Variants in SDK1 observed in about 807,000 individuals in gnomAD.
SDK1 encodes the protein protein sidekick-1.
SDK1 carries 157 observed loss-of-function variants against 245.5 expected under a neutral mutation model. The observed-to-expected ratio is 0.64, with a 90% CI of 0.56 to 0.73. The LOEUF is 0.73. SDK1 is among the 30% of genes least tolerant of loss of function. The pLI is 0.00. For synonymous variants in SDK1, 1,647 were observed against 1,278.5 expected, an observed-to-expected ratio of 1.29 and a Z score of -6.15; for missense variants, 3,583 against 3,002.3, an observed-to-expected ratio of 1.19 and a Z score of -4.52.
At chr7:3,675,777 C>G (rs1327254220) in intron 4 of SDK1, among the ~76,000 whole-genome samples, 1 of 152,178 alleles carries the variant, frequency 6.6e-6, no homozygotes, top group African/African-American at 2.4e-5. Context: ...GATCCTCCCA[C>G]CTTGGCCTCC....
intron 1 of SDK1, among the ~76,000 whole-genome samples, chr7:3,583,699 G>C (rs925147012): frequency 6.6e-6 from 1 of 152,132 alleles, no homozygotes; most frequent in African/African-American, 2.4e-5. Flanking sequence ...AGGAGTCCCA[G>C]GTGCCCCCTG....
intron 2 of SDK1, among the ~76,000 whole-genome samples, chr7:3,627,262 C>T (rs796625686): frequency 2.6e-5 from 4 of 152,224 alleles, no homozygotes; most frequent in African/African-American, 9.6e-5. Flanking sequence ...ATCCTATTAT[C>T]CTATTAGTGT....
At chr7:4,079,357 TAGAATCG>T in intron 21 of SDK1, 99 bp from the exon 22 acceptor site, 1 of 1,349,248 alleles carries the variant, frequency 7.4e-7, no homozygotes, top group South Asian at 1.3e-5. Context: ...TTTTTTGGTA[TAGAATCG>T]TTTTGAAACT....
rs533920476 is a variant in SDK1 at position 4,079,444 on chromosome 7, C to T, written c.3203-19C>T. The T allele has an allele frequency of 1.1e-4, 178 of 1,613,412 alleles. No individual in the cohort carries two copies. The highest frequency in any genetic ancestry group is 1.4e-4 in the Non-Finnish European group (171 of 1,179,520). On this transcript the variant is annotated intron_variant, in intron 21 of 44. Transcript: ENST00000404826. ...GACGGACTGTAAATCTCTCCCTTTC[C>T]TCCCTGGTTCCTCTCTAGACCTTCC...
intron 32 of SDK1, among the ~76,000 whole-genome samples, chr7:4,173,145 C>T (rs1781959744): frequency 6.6e-6 from 1 of 152,236 alleles, no homozygotes; most frequent in African/African-American, 2.4e-5. Flanking sequence ...GCACATCCGT[C>T]CTCTGACGAG....
At chr7:3,317,072 T>G (rs1779681556) in intron 1 of SDK1, among the ~76,000 whole-genome samples, 1 of 150,394 alleles carries the variant, frequency 6.6e-6, no homozygotes, top group Non-Finnish European at 1.5e-5. Flanking sequence ...TCCCAGCTAC[T>G]TGAGGGGCTG....
Position 4,113,396 on chromosome 7 carries a change from C to G in SDK1, c.3542C>G (p.Thr1181Arg), listed in dbSNP as rs1438033324. 1 of 1,613,924 alleles carries G rather than the reference C, an allele frequency of 6.2e-7. No homozygotes were observed. Among genetic ancestry groups the G allele is most frequent in the Admixed American group, 1.7e-5 (1 of 60,032 alleles). The change falls in exon 24 of 45, where the codon ACG (threonine) becomes AGG (arginine). Residue 1181 changes from threonine (T) to arginine (R), a missense_variant. Thr to Arg is a moderately conservative substitution (Grantham distance 71, BLOSUM62 -1). Coordinates refer to ENST00000404826, the MANE Select transcript of SDK1 (RefSeq NM_152744.4). ...CCCGACGTGGCTCCAACCAGCGTCA[C>G]GGTCCGTACTGCCAGTGAGACCAGC... ...APPDVAPTSV[T>R]VRTASETSLR...
chr7:3,393,885 G>C (rs550908411), intron 1 of SDK1, among the ~76,000 whole-genome samples: 2 of 152,220 alleles, frequency 1.3e-5, no homozygotes, highest in East Asian at 3.9e-4. Flanking sequence ...TTCCCGGATG[G>C]TCTTGATGCT....
chr7:3,785,705 A>T (rs9655325), intron 4 of SDK1, among the ~76,000 whole-genome samples: 6,421 of 151,272 alleles, frequency 0.042, 448 homozygotes, highest in African/African-American at 0.15. Context: ...GCATTTATTT[A>T]AAAAAAAATA....
intron 4 of SDK1, among the ~76,000 whole-genome samples, chr7:3,712,821 G>C (rs1269164937): frequency 1.3e-5 from 2 of 152,206 alleles, no homozygotes; most frequent in Admixed American, 1.3e-4. Context: ...GTCTAAATGT[G>C]GCTAAATAAA....
intron 4 of SDK1, among the ~76,000 whole-genome samples, chr7:3,805,901 C>A (rs2115040634): frequency 6.6e-6 from 1 of 152,242 alleles, no homozygotes; most frequent in East Asian, 1.9e-4. Flanking sequence ...AAGTCACCTC[C>A]TTGTAGCTGG....
At chr7:4,012,305 A>C (rs947377279) in intron 16 of SDK1, 70 bp downstream of exon 16, 1 of 1,412,238 alleles carries the variant, frequency 7.1e-7, no homozygotes, top group African/African-American at 1.5e-5. Flanking sequence ...AGAGGGTTGC[A>C]AACTCTAATG....
intron 1 of SDK1, among the ~76,000 whole-genome samples, chr7:3,446,187 G>A (rs749274629): frequency 6.6e-6 from 1 of 152,010 alleles, no homozygotes; most frequent in Non-Finnish European, 1.5e-5. Flanking sequence ...TCATAAGATT[G>A]GTTATTGTAA....
intron 1 of SDK1, among the ~76,000 whole-genome samples, chr7:3,602,244 A>G (rs1021354355): frequency 1.8e-4 from 28 of 151,512 alleles, no homozygotes; most frequent in African/African-American, 6.3e-4. Flanking sequence ...ATCCCTGAGG[A>G]ATCGCCACAC....
chr7:3,792,490 C>G (rs535919421), intron 4 of SDK1, among the ~76,000 whole-genome samples: 3 of 152,350 alleles, frequency 2.0e-5, no homozygotes, highest in East Asian at 3.9e-4. Flanking sequence ...CAGCAGAAAA[C>G]TAACCTGTGT....
At chr7:3,528,784 G>A (rs1226116742) in intron 1 of SDK1, among the ~76,000 whole-genome samples, 1 of 152,064 alleles carries the variant, frequency 6.6e-6, no homozygotes, top group African/African-American at 2.4e-5. Flanking sequence ...CCTGAGCAAT[G>A]GGGTGAATTG....
At position 4,241,752 on chromosome 7, in the gene SDK1, A is replaced by G. The variant is rs535878453; in HGVS notation, c.6131-41A>G. 2.4e-4 allele frequency: 379 copies of G among 1,612,424 alleles called. 4 individuals carry two copies. The South Asian group carries it at 3.6e-3, about 15-fold the overall frequency. ...GGCTTGGCGTGGCTGCGGTGGCCACACCAGTAACACGTCTGTTCTCACTCT... is the reference window on the plus strand; with the variant it reads ...GGCTTGGCGTGGCTGCGGTGGCCACGCCAGTAACACGTCTGTTCTCACTCT... On this transcript the variant is annotated intron_variant, in intron 42 of 44. Coordinates refer to ENST00000404826, the MANE Select transcript of SDK1 (RefSeq NM_152744.4).
intron 28 of SDK1, among the ~76,000 whole-genome samples, chr7:4,139,635 ATATG>A (rs1214535517): frequency 1.1e-4 from 5 of 47,362 alleles, no homozygotes; most frequent in Non-Finnish European, 2.2e-4. Flanking sequence ...GTATATGTAT[ATATG>A]TGTGTGTATA....
rs201387783 is a variant in SDK1 at position 3,987,158 on chromosome 7, T to G, written c.1995-28T>G. 1.9e-6 allele frequency: 3 copies of G among 1,613,112 alleles called. No homozygotes were observed. In the African/African-American group the frequency reaches 4.0e-5, roughly 22 times the overall value. On this transcript the variant is annotated intron_variant, in intron 13 of 44. Coordinates refer to ENST00000404826, the MANE Select transcript of SDK1 (RefSeq NM_152744.4). ...TGGATTCTGACATGTGTTTTCCTCT[T>G]TTTCCTTTTCATCCCATTCAATTCA...
Sources: gnomAD v4.1 joint callset for allele counts (sites outside exome capture counted in the v4.1 genomes callset) on GRCh38, gnomAD v4.1.1 for gene constraint, MANE v1.5 for transcripts, NCBI Gene and HGNC (gene_info 2026-07-23, HGNC 2026-07-21) for gene names.